The following PLCB4 variants were observed in gnomAD, a reference collection of about 807,000 sequenced individuals.
PLCB4 encodes the protein phospholipase C beta 4.
A neutral mutation model predicts 178.8 loss-of-function variants in PLCB4; 77 were observed. That is an observed-to-expected ratio of 0.43 (90% CI 0.36 to 0.52). PLCB4 has a LOEUF of 0.52. Among genes scored for constraint, PLCB4 ranks in the 20% least tolerant of loss-of-function variants. The pLI, the probability that PLCB4 is intolerant of heterozygous loss-of-function variation, is 0.00. For synonymous variants in PLCB4, 496 were observed against 490.8 expected (o/e 1.01, Z -0.14); for missense variants, 1,024 against 1,453.4 (o/e 0.70, Z 4.80).
intron 15 of PLCB4, among the ~76,000 whole-genome samples, chr20:9,387,977 G>A (rs572816360): frequency 3.9e-5 from 6 of 152,356 alleles, no homozygotes; most frequent in Admixed American, 2.6e-4. Context: ...GGTGGCTCAC[G>A]CCTGTAATCC....
At chr20:9,401,687 T>TAATTC (rs1363655108) in intron 20 of PLCB4, 97 bp downstream of exon 20, 8 of 764,940 alleles carry the variant, frequency 1.0e-5, no homozygotes, top group Non-Finnish European at 1.8e-5. Flanking sequence ...AAGTAACCTA[T>TAATTC]AATTCCCCTT....
intron 7 of PLCB4, among the ~76,000 whole-genome samples, chr20:9,341,303 G>A (rs996579790): frequency 6.6e-6 from 1 of 152,028 alleles, no homozygotes; most frequent in Non-Finnish European, 1.5e-5. Context: ...CTGTGCAGTC[G>A]AAAATCCATG....
intron 2 of PLCB4, among the ~76,000 whole-genome samples, chr20:9,174,452 C>CTTTTTTTTT: frequency 7.1e-6 from 1 of 141,416 alleles, no homozygotes; most frequent in South Asian, 2.2e-4. Flanking sequence ...GCCTATTCTT[C>CTTTTTTTTT]TTTTTTTTTT....
At chr20:9,134,213 CAT>C (rs530708636) in intron 2 of PLCB4, among the ~76,000 whole-genome samples, 66 of 152,260 alleles carry the variant, frequency 4.3e-4, no homozygotes, top group African/African-American at 1.5e-3. Context: ...AAGTTTCCCA[CAT>C]GTTTCTGTTA....
In PLCB4 at chr20:9,428,977, TGGCAGGGA is replaced by T. The variant is rs2041215091; in HGVS notation, c.2524+5028_2524+5035del. On this transcript the variant is annotated intron_variant, in intron 28 of 39. Coordinates refer to ENST00000378473, the MANE Select transcript of PLCB4 (RefSeq NM_001377142.1). ...AACTCTATATGAAAGTCAGGAAGCA[TGGCAGGGA>T]GGAAGGGAGGGGAAAAGCAGGGCCT... Among the ~76,000 whole-genome samples the T allele has an allele frequency of 2.0e-5, 3 of 152,094 alleles. No individual in the cohort carries two copies. In the South Asian group the frequency reaches 6.2e-4, roughly 32 times the overall value.
intron 19 of PLCB4, among the ~76,000 whole-genome samples, chr20:9,401,019 A>G (rs1387771884): frequency 1.3e-5 from 2 of 152,174 alleles, no homozygotes; most frequent in Non-Finnish European, 2.9e-5. Flanking sequence ...ACTCCAAGCT[A>G]TAAGTCATTA....
intron 17 of PLCB4, among the ~76,000 whole-genome samples, chr20:9,391,019 C>T (rs556609074): frequency 6.6e-6 from 1 of 152,252 alleles, no homozygotes; most frequent in South Asian, 2.1e-4. Context: ...GTTTTAAAAG[C>T]CCTCCAGGTG....
chr20:9,221,416 C>T (rs558287332), intron 3 of PLCB4, among the ~76,000 whole-genome samples: 1 of 152,134 alleles, frequency 6.6e-6, no homozygotes, highest in Non-Finnish European at 1.5e-5. Flanking sequence ...CATCCCTTAG[C>T]AGCAAAGCAC....
chr20:9,253,326 A>G (rs1247253797), intron 3 of PLCB4, among the ~76,000 whole-genome samples: 1 of 152,080 alleles, frequency 6.6e-6, no homozygotes, highest in African/African-American at 2.4e-5. Context: ...CTCACTGGCT[A>G]ACTCCTTCCT....
chr20:9,193,400 A>C (rs938633198), intron 2 of PLCB4, among the ~76,000 whole-genome samples: 1 of 152,194 alleles, frequency 6.6e-6, no homozygotes, highest in East Asian at 1.9e-4. Context: ...TTCCTTTCCC[A>C]CTAACTCTGA....
chr20:9,253,203 C>T (rs188862838), intron 3 of PLCB4, among the ~76,000 whole-genome samples: 29 of 152,312 alleles, frequency 1.9e-4, no homozygotes, highest in Admixed American at 1.7e-3. Context: ...ACTGTGACTT[C>T]CCCACTGGGT....
At chr20:9,297,647 A>G (rs1363243876) in intron 3 of PLCB4, among the ~76,000 whole-genome samples, 1 of 151,778 alleles carries the variant, frequency 6.6e-6, no homozygotes, top group Non-Finnish European at 1.5e-5. Flanking sequence ...GATAGGCCCC[A>G]CTTCTGCCAC....
chr20:9,195,905 C>T (rs1361581478), intron 2 of PLCB4, among the ~76,000 whole-genome samples: 1 of 152,124 alleles, frequency 6.6e-6, no homozygotes. Flanking sequence ...GGGGCAAAAC[C>T]ATGCCTGGGG....
At chr20:9,383,360 C>CA (rs2037307197) in intron 13 of PLCB4, among the ~76,000 whole-genome samples, 2 of 152,192 alleles carry the variant, frequency 1.3e-5, no homozygotes, top group Admixed American at 1.3e-4. Flanking sequence ...TCTGACCACA[C>CA]TGGTGTAGGC....
At chr20:9,393,299 C>T (rs1226878244) in intron 17 of PLCB4, among the ~76,000 whole-genome samples, 1 of 152,174 alleles carries the variant, frequency 6.6e-6, no homozygotes, top group Non-Finnish European at 1.5e-5. Flanking sequence ...GGAGCAGGAA[C>T]CCCTCCCCGG....
In PLCB4 at chr20:9,421,533, C is replaced by T. The variant is rs1356207527; in HGVS notation, c.2319+72C>T. ...CATGTTTTAGTTCACAGACGCTACACGATACAGGGGCACTTATTCAACCGA... is the reference window on the plus strand; with the variant it reads ...CATGTTTTAGTTCACAGACGCTACATGATACAGGGGCACTTATTCAACCGA... On this transcript the variant is annotated intron_variant, in intron 27 of 39. Coordinates refer to ENST00000378473, the MANE Select transcript of PLCB4 (RefSeq NM_001377142.1). The T allele has an allele frequency of 5.7e-5, 69 of 1,204,796 alleles. 1 individual carries two copies. Among genetic ancestry groups the T allele is most frequent in the Non-Finnish European group, 8.0e-5 (66 of 824,022 alleles). 74.6% of individuals were successfully genotyped at this position (1,204,796 alleles called of 1,614,324 possible).
intron 2 of PLCB4, among the ~76,000 whole-genome samples, chr20:9,177,027 C>T (rs111492792): frequency 5.9e-5 from 9 of 151,696 alleles, no homozygotes; most frequent in African/African-American, 1.9e-4. Context: ...GGACTGGTGG[C>T]GAAGAAAGAA....
At chr20:9,379,546 G>A (rs2036960625) in intron 12 of PLCB4, among the ~76,000 whole-genome samples, 1 of 152,160 alleles carries the variant, frequency 6.6e-6, no homozygotes, top group African/African-American at 2.4e-5. Context: ...ATGGATTGAT[G>A]TAGAAAGGTG....
chr20:9,110,836 T>C (rs1184985704), intron 2 of PLCB4, among the ~76,000 whole-genome samples: 1 of 152,118 alleles, frequency 6.6e-6, no homozygotes, highest in Non-Finnish European at 1.5e-5. Context: ...TTCATAATCA[T>C]GAAGGTAATA....
Sources: gnomAD v4.1 joint callset for allele counts (sites outside exome capture counted in the v4.1 genomes callset) on GRCh38, gnomAD v4.1.1 for gene constraint, MANE v1.5 for transcripts, NCBI Gene and HGNC (gene_info 2026-07-23, HGNC 2026-07-21) for gene names.